Variants in SIPA1L2 observed in about 807,000 individuals in gnomAD.
SIPA1L2 encodes signal-induced proliferation-associated 1-like protein 2.
SIPA1L2 carries 56 observed loss-of-function variants against 163.9 expected under a neutral mutation model. That is an observed-to-expected ratio of 0.34 (90% CI 0.28 to 0.43). SIPA1L2 has a LOEUF of 0.43. SIPA1L2 is among the 20% of genes least tolerant of loss of function. SIPA1L2 has a pLI of 1.00. For missense variants in SIPA1L2, 1,974 were observed against 2,193.5 expected (o/e 0.90, Z 2.00); for synonymous variants, 877 against 865.7 (o/e 1.01, Z -0.23).
intron 15 of SIPA1L2, 147 bp from the exon 16 acceptor site, chr1:232,432,618 C>T: frequency 7.3e-6 from 5 of 688,114 alleles, no homozygotes; most frequent in Non-Finnish European, 7.4e-6. Flanking sequence ...CTTCTTTCTA[C>T]CATGGAGCTT....
chr1:232,467,882 TAAGA>T (rs1398420452), intron 8 of SIPA1L2, among the ~76,000 whole-genome samples: 1 of 152,236 alleles, frequency 6.6e-6, no homozygotes, highest in Non-Finnish European at 1.5e-5. Context: ...ACATAGTAAA[TAAGA>T]GAGACATGGT....
At chr1:232,449,335 G>A (rs967535867) in intron 10 of SIPA1L2, among the ~76,000 whole-genome samples, 5 of 151,518 alleles carry the variant, frequency 3.3e-5, no homozygotes, top group East Asian at 1.9e-4. Flanking sequence ...TGGCTAACAT[G>A]GTGAAACCCC....
At chr1:232,547,683 A>C (rs1042953341) in intron 2 of SIPA1L2, among the ~76,000 whole-genome samples, 2 of 152,126 alleles carry the variant, frequency 1.3e-5, no homozygotes, top group Non-Finnish European at 2.9e-5. Flanking sequence ...CATCATCCAA[A>C]TCCTACGTTA....
chr1:232,558,786 A>C (rs893647512), intron 2 of SIPA1L2, among the ~76,000 whole-genome samples: 4 of 152,194 alleles, frequency 2.6e-5, no homozygotes, highest in African/African-American at 9.7e-5. Context: ...ATGTGCATCA[A>C]GTTTTATGAG....
intron 1 of SIPA1L2, among the ~76,000 whole-genome samples, chr1:232,612,225 A>G (rs1662276413): frequency 6.6e-6 from 1 of 152,188 alleles, no homozygotes; most frequent in Non-Finnish European, 1.5e-5. Flanking sequence ...AGGGGCAGGC[A>G]CTCATGGAGA....
intron 19 of SIPA1L2, among the ~76,000 whole-genome samples, chr1:232,407,423 C>G (rs1660705533): frequency 6.6e-6 from 1 of 152,144 alleles, no homozygotes; most frequent in African/African-American, 2.4e-5. Flanking sequence ...AGCTTCATAA[C>G]AGAAAAAGTT....
At chr1:232,507,984 C>T (rs1374593282) in intron 3 of SIPA1L2, among the ~76,000 whole-genome samples, 1 of 152,128 alleles carries the variant, frequency 6.6e-6, no homozygotes, top group African/African-American at 2.4e-5. Flanking sequence ...TTTGGGGAGA[C>T]TTTATTTCTT....
At chr1:232,512,987 A>G (rs1246662635) in intron 3 of SIPA1L2, among the ~76,000 whole-genome samples, 1 of 152,128 alleles carries the variant, frequency 6.6e-6, no homozygotes, top group Non-Finnish European at 1.5e-5. Context: ...GGTGAAACTG[A>G]AGACAGAAAA....
chr1:232,518,953 A>G (rs562042486), intron 2 of SIPA1L2, among the ~76,000 whole-genome samples: 6 of 152,292 alleles, frequency 3.9e-5, no homozygotes, highest in African/African-American at 1.4e-4. Context: ...TTATAGGAAT[A>G]TATTTTACAA....
chr1:232,479,819 A>C, intron 6 of SIPA1L2, 89 bp from the exon 7 acceptor site: 1 of 1,112,266 alleles, frequency 9.0e-7, no homozygotes, highest in Non-Finnish European at 1.3e-6. Flanking sequence ...CAAAAACAAA[A>C]AACAAAAAAC....
chr1:232,608,513 T>C (rs1438482509), intron 1 of SIPA1L2, among the ~76,000 whole-genome samples: 1 of 152,222 alleles, frequency 6.6e-6, no homozygotes, highest in Non-Finnish European at 1.5e-5. Flanking sequence ...AATCAAGAGG[T>C]TGGTGCCCTC....
At chr1:232,422,295 T>A (rs1444805047) in intron 18 of SIPA1L2, among the ~76,000 whole-genome samples, 1 of 152,194 alleles carries the variant, frequency 6.6e-6, no homozygotes, top group Admixed American at 6.5e-5. Flanking sequence ...TCACAGGAAA[T>A]ATACATGAAT....
intron 2 of SIPA1L2, among the ~76,000 whole-genome samples, chr1:232,543,812 G>A (rs920425270): frequency 6.6e-6 from 1 of 152,138 alleles, no homozygotes; most frequent in African/African-American, 2.4e-5. Flanking sequence ...AGGCTACCGG[G>A]AGCTATGATT....
chr1:232,508,441 G>A (rs1383429291), intron 3 of SIPA1L2, among the ~76,000 whole-genome samples: 1 of 152,154 alleles, frequency 6.6e-6, no homozygotes. Flanking sequence ...ACAGTGTCTG[G>A]GCTCTGCCAC....
chr1:232,538,268 A>G (rs1657431234), intron 2 of SIPA1L2, among the ~76,000 whole-genome samples: 1 of 152,074 alleles, frequency 6.6e-6, no homozygotes, highest in Non-Finnish European at 1.5e-5. Context: ...CACCAGAATC[A>G]CTCAGGCATG....
intron 5 of SIPA1L2, among the ~76,000 whole-genome samples, chr1:232,490,408 C>T (rs561466958): frequency 6.6e-6 from 1 of 152,294 alleles, no homozygotes; most frequent in East Asian, 1.9e-4. Context: ...AGAGGCCTTT[C>T]TGCTCTTAGT....
rs1666647784 is a variant in SIPA1L2, at chr1:232,504,823, ACT to A, written c.1483+9032_1483+9033del. Reference sequence around the variant, plus strand: ...AGGCACAACTATTCTTACAAACAACACTGAGGCAGAAAGGTTAAGTGACTCGC... The same window carrying A: ...AGGCACAACTATTCTTACAAACAACAGAGGCAGAAAGGTTAAGTGACTCGC... On this transcript the variant is annotated intron_variant, in intron 3 of 22. Coordinates refer to ENST00000674635, the MANE Select transcript of SIPA1L2 (RefSeq NM_020808.5). Among the ~76,000 whole-genome samples the A allele has an allele frequency of 3.9e-5, 6 of 152,266 alleles. No homozygotes were observed. The South Asian group carries it at 1.2e-3, about 32-fold the overall frequency.
Position 232,425,726 on chromosome 1 carries a change from C to G in SIPA1L2, c.4493G>C (p.Gly1498Ala), listed in dbSNP as rs1661857008. The G allele has an allele frequency of 6.2e-7, 1 of 1,614,106 alleles. No homozygotes were observed. The highest frequency in any genetic ancestry group is 1.3e-5 in the African/African-American group (1 of 75,050). Residue 1498 changes from glycine (G) to alanine (A), a missense_variant, in exon 18 of 23, where the codon GGG becomes GCG. This residue lies in a region of SIPA1L2 where 1,079 missense variants were observed against 1,150.7 expected (regional missense o/e 0.94). Transcript: ENST00000674635. ...SDESICSNRR[G>A]SSFGSSRSSV... is the part of the protein sequence containing the mutation. ...ACTCCGGGAACTGCCAAAGGAGGAC[C>G]CCCTCCTGTTGCTGCAGATGCTCTC...
chr1:232,474,434 T>C (rs1254296579), intron 7 of SIPA1L2, among the ~76,000 whole-genome samples: 1 of 152,174 alleles, frequency 6.6e-6, no homozygotes, highest in Non-Finnish European at 1.5e-5. Flanking sequence ...AGAAATACCA[T>C]ATATGGCCGT....
Sources: gnomAD v4.1 joint callset for allele counts (sites outside exome capture counted in the v4.1 genomes callset) on GRCh38, gnomAD v4.1.1 for gene constraint, gnomAD v4.1.1 regional missense constraint, MANE v1.5 for transcripts, NCBI Gene and HGNC (gene_info 2026-07-23, HGNC 2026-07-21) for gene names.